BMP8A: variants seen among roughly 807,000 people sequenced by gnomAD.
BMP8A encodes bone morphogenetic protein 8a.
BMP8A carries 14 observed loss-of-function variants against 36.8 expected under a neutral mutation model. That is an observed-to-expected ratio of 0.38 (90% CI 0.25 to 0.60). The LOEUF (loss-of-function observed/expected upper bound fraction) is 0.60, where lower values mean the gene tolerates loss of function less well. BMP8A is among the 20% of genes least tolerant of loss of function. The pLI is 0.63. For missense variants in BMP8A, 267 were observed against 551.1 expected (o/e 0.48, Z 5.16); for synonymous variants, 120 against 237.7 (o/e 0.50, Z 4.55).
chr1:39,523,205 G>A, intron 6 of BMP8A, 88 bp downstream of exon 6: 1 of 1,437,164 alleles, frequency 7.0e-7, no homozygotes, highest in Non-Finnish European at 9.7e-7. Flanking sequence ...AGGGCAGTGA[G>A]GCCACCTGCT....
At chr1:39,507,084 G>A (rs1252461970) in intron 1 of BMP8A, among the ~76,000 whole-genome samples, 1 of 152,300 alleles carries the variant, frequency 6.6e-6, no homozygotes, top group East Asian at 1.9e-4. Flanking sequence ...GCAGACGGGG[G>A]AACTAGATGT....
chr1:39,522,903 A>G, intron 5 of BMP8A, 104 bp from the exon 6 acceptor site: 1 of 1,145,696 alleles, frequency 8.7e-7, no homozygotes, highest in Non-Finnish European at 1.2e-6. Flanking sequence ...GGTGGATTCA[A>G]GCCTCTTGGG....
chr1:39,523,237 T>G, intron 6 of BMP8A, 120 bp downstream of exon 6: 2 of 1,226,426 alleles, frequency 1.6e-6, no homozygotes. Flanking sequence ...GGGCTTTGTC[T>G]GCACAGAGTC....
At position 39,526,708 on chromosome 1, in the gene BMP8A, T is replaced by TATGA. The variant is rs1261391963; in HGVS notation, c.*911_*914dup. Among the ~76,000 whole-genome samples the TATGA allele has an allele frequency of 6.6e-6, 1 of 152,046 alleles. No individual in the cohort carries two copies. Among genetic ancestry groups the TATGA allele is most frequent in the African/African-American group, 2.4e-5 (1 of 41,368 alleles). Reference sequence around the variant, plus strand: ...CCCCTTCTCCTGCCTGGGAAAGAGGTATGACTCCCACAGGAGCAAAGAATC... The same window carrying TATGA: ...CCCCTTCTCCTGCCTGGGAAAGAGGTATGAATGACTCCCACAGGAGCAAAGAATC... On this transcript the variant is annotated 3_prime_UTR_variant, in exon 7 of 7. Coordinates refer to ENST00000331593, the MANE Select transcript of BMP8A (RefSeq NM_181809.4).
chr1:39,502,334 A>T (rs560372244), intron 1 of BMP8A, among the ~76,000 whole-genome samples: 8 of 152,314 alleles, frequency 5.3e-5, no homozygotes, highest in African/African-American at 1.7e-4. Context: ...ATATGTACCA[A>T]TACATACAGA....
intron 1 of BMP8A, among the ~76,000 whole-genome samples, chr1:39,506,736 G>A (rs772985034): frequency 1.3e-5 from 2 of 151,850 alleles, no homozygotes; most frequent in Non-Finnish European, 2.9e-5. Context: ...CTAGCACTTA[G>A]CACATAGGCT....
At chr1:39,501,754 C>A (rs1645255537) in intron 1 of BMP8A, among the ~76,000 whole-genome samples, 1 of 152,192 alleles carries the variant, frequency 6.6e-6, no homozygotes, top group East Asian at 1.9e-4. Context: ...TGAGCCATCA[C>A]AGCCAGCTGG....
chr1:39,504,799 T>C (rs1737731), intron 1 of BMP8A, among the ~76,000 whole-genome samples: 2 of 151,956 alleles, frequency 1.3e-5, no homozygotes, highest in Non-Finnish European at 1.5e-5. Context: ...ACCATCTCGG[T>C]GAGGGGGATG....
chr1:39,517,020 G>C (rs1468140554), intron 3 of BMP8A, among the ~76,000 whole-genome samples: 1 of 151,684 alleles, frequency 6.6e-6, no homozygotes, highest in Non-Finnish European at 1.5e-5. Flanking sequence ...GCAGGGTCTG[G>C]CTCTGTCACT....
In BMP8A at chr1:39,527,766, C is replaced by T. The variant is rs1335468857; in HGVS notation, c.*1968C>T. ...TGTTAGGAGACAGGTATTCTGGTTC[C>T]AACTCAGCCACTGACTTGGTGTCAG... On this transcript the variant is annotated 3_prime_UTR_variant, in exon 7 of 7. Coordinates refer to ENST00000331593, the MANE Select transcript of BMP8A (RefSeq NM_181809.4). Among the ~76,000 whole-genome samples, 2 of 152,206 alleles carry T rather than the reference C, an allele frequency of 1.3e-5. No homozygotes were observed. The highest frequency in any genetic ancestry group is 4.1e-4 in the South Asian group (2 of 4,834).
intron 5 of BMP8A, among the ~76,000 whole-genome samples, 188 bp downstream of exon 5, chr1:39,522,670 G>T (rs1166774801): frequency 2.0e-5 from 3 of 151,920 alleles, no homozygotes; most frequent in South Asian, 4.2e-4. Context: ...TGTGTTTTTT[G>T]TTTTTTTTAA....
intron 3 of BMP8A, chr1:39,515,702 C>G: frequency 6.3e-7 from 1 of 1,576,130 alleles, no homozygotes. Context: ...GGGCTTCCCC[C>G]CAGAAGACAT....
chr1:39,505,665 A>G (rs954669045), intron 1 of BMP8A, among the ~76,000 whole-genome samples: 1 of 152,316 alleles, frequency 6.6e-6, no homozygotes, highest in African/African-American at 2.4e-5. Context: ...GGGGCATGCT[A>G]CAAATAACTG....
At chr1:39,522,710 A>G (rs1273961714) in intron 5 of BMP8A, among the ~76,000 whole-genome samples, 3 of 152,154 alleles carry the variant, frequency 2.0e-5, no homozygotes, top group Non-Finnish European at 4.4e-5. Flanking sequence ...GAATCAACCA[A>G]CTAAGCTGTC....
chr1:39,500,083 C>T (rs1366443848), intron 1 of BMP8A, among the ~76,000 whole-genome samples: 1 of 152,192 alleles, frequency 6.6e-6, no homozygotes, highest in African/African-American at 2.4e-5. Context: ...CCTCCTCATA[C>T]ACCTCAGCCC....
intron 1 of BMP8A, among the ~76,000 whole-genome samples, chr1:39,506,154 T>C (rs1351448472): frequency 2.0e-5 from 3 of 152,158 alleles, no homozygotes; most frequent in African/African-American, 7.2e-5. Flanking sequence ...GGACAGTTAG[T>C]AAAATTAGAG....
intron 1 of BMP8A, among the ~76,000 whole-genome samples, chr1:39,493,542 G>A (rs1488013024): frequency 6.6e-6 from 1 of 152,234 alleles, no homozygotes; most frequent in Non-Finnish European, 1.5e-5. Context: ...GCTGCAGCAG[G>A]TCTTGTGGGG....
intron 1 of BMP8A, among the ~76,000 whole-genome samples, chr1:39,492,534 G>A (rs1490534768): frequency 1.3e-5 from 2 of 152,160 alleles, no homozygotes; most frequent in African/African-American, 2.4e-5. Flanking sequence ...AGAGTGTGGG[G>A]GACTGTGGAC....
chr1:39,519,542 G>A (rs1263734059), intron 3 of BMP8A, among the ~76,000 whole-genome samples: 1 of 145,862 alleles, frequency 6.9e-6, no homozygotes, highest in East Asian at 2.3e-4. Flanking sequence ...TGAGAGGGAG[G>A]GAGCCTCTCC....
Sources: gnomAD v4.1 joint callset for allele counts (sites outside exome capture counted in the v4.1 genomes callset) on GRCh38, gnomAD v4.1.1 for gene constraint, MANE v1.5 for transcripts, NCBI Gene and HGNC (gene_info 2026-07-23, HGNC 2026-07-21) for gene names.